Variants in RBFOX1 observed in about 807,000 individuals in gnomAD.
RBFOX1 encodes RNA binding protein fox-1 homolog 1.
A neutral mutation model predicts 57.7 loss-of-function variants in RBFOX1; 8 were observed. That is an observed-to-expected ratio of 0.14 (90% CI 0.08 to 0.25). The LOEUF is 0.25. Ranked by LOEUF, RBFOX1 falls within the 10% of genes least tolerant of loss-of-function variation. The probability of loss-of-function intolerance (pLI) is 1.00; values close to 1 mark genes in which losing one functional copy is unlikely to be tolerated. For missense variants in RBFOX1, 611 were observed against 548.5 expected (o/e 1.11, Z -1.14); for synonymous variants, 326 against 222.4 (o/e 1.47, Z -4.15).
At position 6,085,548 on chromosome 16, in the gene RBFOX1, C is replaced by T. The variant is rs751119635; in HGVS notation, c.-127+65556C>T. Among the ~76,000 whole-genome samples, 18 of 152,288 alleles carry T rather than the reference C, an allele frequency of 1.2e-4. No individual in the cohort carries two copies. The East Asian group carries it at 1.4e-3, about 11-fold the overall frequency. ...GGCCTCCCGGTGTTGGGATTACAGG[C>T]GTGAGCCACTGTGCCCGACCCTCAC... On this transcript the variant is annotated intron_variant, in intron 1 of 15. Transcript: ENST00000550418.
At chr16:6,488,875 A>G (rs756948071) in intron 2 of RBFOX1, among the ~76,000 whole-genome samples, 5 of 152,232 alleles carry the variant, frequency 3.3e-5, no homozygotes, top group Admixed American at 6.5e-5. Context: ...CCTAGGTAAT[A>G]TCAGTGATAG....
chr16:6,849,307 G>A (rs543873224), intron 3 of RBFOX1, among the ~76,000 whole-genome samples: 3 of 152,246 alleles, frequency 2.0e-5, no homozygotes, highest in East Asian at 1.9e-4. Flanking sequence ...GGCAAAAATC[G>A]TGTTCATTTT....
chr16:7,617,450 T>A (rs182823570), intron 10 of RBFOX1, among the ~76,000 whole-genome samples: 1 of 152,350 alleles, frequency 6.6e-6, no homozygotes, highest in East Asian at 1.9e-4. Context: ...CCTACTTTGC[T>A]GAGCTTGGCT....
chr16:6,390,334 G>C (rs75733110), intron 2 of RBFOX1, among the ~76,000 whole-genome samples: 6 of 152,098 alleles, frequency 3.9e-5, no homozygotes, highest in African/African-American at 1.4e-4. Flanking sequence ...TCCTGAACTT[G>C]AGTGGAGCTG....
intron 4 of RBFOX1, among the ~76,000 whole-genome samples, chr16:7,460,732 A>C (rs73498387): frequency 6.6e-6 from 1 of 151,908 alleles, no homozygotes; most frequent in African/African-American, 2.4e-5. Context: ...TTAAACAATG[A>C]GATATCTAAA....
intron 3 of RBFOX1, among the ~76,000 whole-genome samples, chr16:5,815,044 C>T (rs2055579011): frequency 6.6e-6 from 1 of 151,724 alleles, no homozygotes; most frequent in Non-Finnish European, 1.5e-5. Context: ...AGTGCAGTGG[C>T]ATGATTCTAG....
intron 4 of RBFOX1, among the ~76,000 whole-genome samples, chr16:5,951,041 G>T (rs1442704114): frequency 6.6e-6 from 1 of 152,122 alleles, no homozygotes; most frequent in South Asian, 2.1e-4. Flanking sequence ...CTAATTACCA[G>T]GTACCTCAGA....
chr16:6,055,990 G>A (rs56244382), intron 1 of RBFOX1, among the ~76,000 whole-genome samples: 19,679 of 151,952 alleles, frequency 0.13, 1,424 homozygotes, highest in East Asian at 0.26. Flanking sequence ...TGTTTCCTCT[G>A]TCTACTATGT....
In RBFOX1 at chr16:5,349,517, C is replaced by T. The variant is rs899129940; in HGVS notation, c.219+109412C>T. ...GGCGATCCTATCTCTACTAAAAATA[C>T]AAAAAATTAGCCGGGCGTGGTGGCA... is the stretch of plus-strand genomic sequence containing the variant. On this transcript the variant is annotated intron_variant, in intron 1 of 2. Coordinates refer to the RBFOX1 transcript ENST00000585867. 3.9e-5 allele frequency among the ~76,000 whole-genome samples: 6 copies of T among 151,968 alleles called. 1 individual carries two copies. The highest frequency in any genetic ancestry group is 1.5e-4 in the African/African-American group (6 of 41,378).
chr16:6,101,271 C>T (rs897531462), intron 1 of RBFOX1, among the ~76,000 whole-genome samples: 2 of 152,038 alleles, frequency 1.3e-5, no homozygotes, highest in African/African-American at 4.8e-5. Context: ...TGGGTGTAGG[C>T]CTCTGGGTCT....
At position 5,577,571 on chromosome 16, in the gene RBFOX1, C is replaced by T. The variant is rs185634970; in HGVS notation, c.259-21331C>T. 1.2e-4 allele frequency among the ~76,000 whole-genome samples: 18 copies of T among 152,266 alleles called. No individual in the cohort carries two copies. The East Asian group carries it at 3.1e-3, about 26-fold the overall frequency. ...GGGCCTTGTGCTGCCAGAATGTGCC[C>T]CACAAATGATTTTAACCACTATTCT... On this transcript the variant is annotated intron_variant, in intron 2 of 2. Coordinates refer to the RBFOX1 transcript ENST00000585867.
intron 2 of RBFOX1, among the ~76,000 whole-genome samples, chr16:6,381,112 A>G (rs1480373133): frequency 6.6e-6 from 1 of 152,184 alleles, no homozygotes; most frequent in East Asian, 1.9e-4. Context: ...ATCAAATGGG[A>G]GACAAAAGAA....
At position 7,085,096 on chromosome 16, in the gene RBFOX1, G is replaced by A. The variant is rs531293385; in HGVS notation, c.27+32998G>A. On this transcript the variant is annotated intron_variant, in intron 4 of 15. Transcript: ENST00000550418. The stretch of plus-strand genomic sequence containing the variant: ...GTTCTATATGAACGCCGTATCTAAA[G>A]TTGTGTGTGTGTGTGTGTTTGTGTG... 1.6e-4 allele frequency among the ~76,000 whole-genome samples: 22 copies of A among 139,012 alleles called. No individual in the cohort carries two copies. In the South Asian group the frequency reaches 4.6e-3, roughly 29 times the overall value. 91.2% of individuals were successfully genotyped at this position (139,012 alleles called of 152,430 possible).
At chr16:6,563,238 C>T (rs1408167054) in intron 2 of RBFOX1, among the ~76,000 whole-genome samples, 1 of 152,128 alleles carries the variant, frequency 6.6e-6, no homozygotes, top group East Asian at 1.9e-4. Context: ...TTTTAGCATC[C>T]TGTGCAACAC....
At chr16:5,617,932 C>T (rs1212417705) in intron 3 of RBFOX1, among the ~76,000 whole-genome samples, 1 of 152,178 alleles carries the variant, frequency 6.6e-6, no homozygotes, top group African/African-American at 2.4e-5. Context: ...GGGTATTGTT[C>T]AAGCCATCAG....
chr16:6,372,910 A>G (rs1489488083), intron 2 of RBFOX1, among the ~76,000 whole-genome samples: 1 of 150,688 alleles, frequency 6.6e-6, no homozygotes, highest in Non-Finnish European at 1.5e-5. Flanking sequence ...ATGGAAGCGT[A>G]GTTGGTTAGG....
At chr16:5,739,137 A>G (rs978400933) in intron 3 of RBFOX1, among the ~76,000 whole-genome samples, 3 of 152,182 alleles carry the variant, frequency 2.0e-5, no homozygotes, top group Admixed American at 2.0e-4. Context: ...TGGGCTGTAA[A>G]CTTCTTGAGT....
intron 4 of RBFOX1, among the ~76,000 whole-genome samples, chr16:7,266,569 C>G (rs935396650): frequency 2.6e-5 from 4 of 152,128 alleles, no homozygotes; most frequent in African/African-American, 4.8e-5. Flanking sequence ...ATCTAATCAC[C>G]TCACCAAAGC....
intron 1 of RBFOX1, among the ~76,000 whole-genome samples, chr16:5,404,518 T>C (rs2066808985): frequency 6.6e-6 from 1 of 152,118 alleles, no homozygotes; most frequent in Non-Finnish European, 1.5e-5. Context: ...TATATGCAAA[T>C]TGAGTGTGAA....
Sources: allele counts gnomAD v4.1 joint callset (sites outside exome capture counted in the v4.1 genomes callset), GRCh38; gene constraint gnomAD v4.1.1; transcripts MANE v1.5; gene names NCBI Gene and HGNC (gene_info 2026-07-23, HGNC 2026-07-21).